TENM2: variants seen among roughly 807,000 people sequenced by gnomAD.
The protein encoded by TENM2 is teneurin transmembrane protein 2.
Under a neutral mutation model 245.2 loss-of-function variants are expected in TENM2, and 52 were observed. That is an observed-to-expected ratio of 0.21 (90% CI 0.17 to 0.27). The LOEUF (loss-of-function observed/expected upper bound fraction) is 0.27. Among genes scored for constraint, TENM2 ranks in the 10% least tolerant of loss-of-function variants. The probability of loss-of-function intolerance (pLI) is 1.00; values close to 1 mark genes in which losing one functional copy is unlikely to be tolerated. For missense variants in TENM2, 3,046 were observed against 3,666.8 expected (o/e 0.83, Z 4.37); for synonymous variants, 1,363 against 1,438.9 (o/e 0.95, Z 1.19).
At chr5:167,168,113 G>T in the TENM2 span, 20 of 152,252 alleles carry the variant, frequency 1.3e-4, no homozygotes, top group African/African-American at 4.8e-4. Context: ...AGTAGATGCC[G>T]CATAGGTGTT....
intron 2 of TENM2, among the ~76,000 whole-genome samples, chr5:167,683,168 T>A (rs1663781164): frequency 6.6e-6 from 1 of 152,178 alleles, no homozygotes; most frequent in Admixed American, 6.6e-5. Flanking sequence ...AATTATAATC[T>A]GTATTAATTG....
the TENM2 span, among the ~76,000 whole-genome samples, chr5:167,103,360 T>C: frequency 1.3e-5 from 2 of 152,230 alleles, no homozygotes; most frequent in Non-Finnish European, 2.9e-5. Flanking sequence ...ACTTAGTATG[T>C]AAGTGAAAGT....
chr5:167,015,879 C>G, the TENM2 span, among the ~76,000 whole-genome samples: 1 of 152,116 alleles, frequency 6.6e-6, no homozygotes, highest in Non-Finnish European at 1.5e-5. Context: ...ATCTGTCTCT[C>G]TTAAACTGAT....
chr5:167,942,786 A>T (rs1779293031), intron 3 of TENM2, among the ~76,000 whole-genome samples: 1 of 152,196 alleles, frequency 6.6e-6, no homozygotes, highest in African/African-American at 2.4e-5. Flanking sequence ...ATTGGGAGGT[A>T]AAGACAACTC....
At chr5:167,038,921 G>A in the TENM2 span, among the ~76,000 whole-genome samples, 30 of 152,248 alleles carry the variant, frequency 2.0e-4, no homozygotes, top group East Asian at 5.6e-3. Flanking sequence ...AAGAAATTCA[G>A]TAAGAAATGT....
At chr5:167,961,310 G>A (rs1217339137) in intron 4 of TENM2, among the ~76,000 whole-genome samples, 1 of 152,234 alleles carries the variant, frequency 6.6e-6, no homozygotes, top group Admixed American at 6.5e-5. Flanking sequence ...GCTGGAAGCT[G>A]ACTGGCTGGC....
intron 25 of TENM2, among the ~76,000 whole-genome samples, chr5:168,238,321 C>T (rs1242350785): frequency 3.1e-5 from 4 of 130,896 alleles, no homozygotes; most frequent in African/African-American, 5.9e-5. Context: ...GAAGACTGAC[C>T]CGGAAAGAAA....
At chr5:167,734,195 G>A (rs1175641266) in intron 2 of TENM2, among the ~76,000 whole-genome samples, 3 of 152,108 alleles carry the variant, frequency 2.0e-5, no homozygotes, top group African/African-American at 7.2e-5. Context: ...GTAGCTAATA[G>A]TATCCATGGC....
chr5:167,582,005 G>A (rs1163697396), intron 2 of TENM2, among the ~76,000 whole-genome samples: 1 of 152,076 alleles, frequency 6.6e-6, no homozygotes, highest in African/African-American at 2.4e-5. Flanking sequence ...TCATCAGGAG[G>A]AGAGTTGGAA....
chr5:167,506,312 A>G (rs1465495458), intron 2 of TENM2, among the ~76,000 whole-genome samples: 1 of 152,168 alleles, frequency 6.6e-6, no homozygotes, highest in East Asian at 1.9e-4. Flanking sequence ...ATTTCATGCA[A>G]TTGTACCTAC....
rs114810044 is a variant in TENM2, at chr5:167,530,858, A to G, written c.502+155385A>G. On this transcript the variant is annotated intron_variant, in intron 2 of 28. Coordinates refer to ENST00000518659, the Ensembl canonical transcript of TENM2. ...GTGATGCACGTCGCAAATGGAAGTA[A>G]TATCATTTGAAGCAGTCCCGCTAGA... Among the ~76,000 whole-genome samples, 1,072 of 152,302 alleles carry G rather than the reference A, an allele frequency of 7.0e-3. 20 individuals carry two copies. Among genetic ancestry groups the G allele is most frequent in the African/African-American group, 0.024 (1,010 of 41,564 alleles).
chr5:167,985,059 C>A (rs771637236), intron 4 of TENM2, among the ~76,000 whole-genome samples: 2 of 152,178 alleles, frequency 1.3e-5, no homozygotes, highest in African/African-American at 2.4e-5. Context: ...CTACAGTACC[C>A]TTTATGGGCT....
the TENM2 span, among the ~76,000 whole-genome samples, chr5:167,161,956 C>G: frequency 6.6e-6 from 1 of 152,008 alleles, no homozygotes; most frequent in Non-Finnish European, 1.5e-5. Flanking sequence ...ATCACAAGGT[C>G]AGGAGATCAA....
intron 2 of TENM2, among the ~76,000 whole-genome samples, chr5:167,736,107 T>C (rs1407797785): frequency 1.3e-5 from 2 of 151,982 alleles, no homozygotes; most frequent in Admixed American, 1.3e-4. Flanking sequence ...TCAGGAAACT[T>C]ACAATCATGG....
chr5:167,395,767 A>G (rs540716370), intron 2 of TENM2, among the ~76,000 whole-genome samples: 5 of 152,294 alleles, frequency 3.3e-5, no homozygotes, highest in African/African-American at 9.6e-5. Flanking sequence ...GAGAAAAAAA[A>G]TGATGTGGTT....
At chr5:167,547,705 G>T (rs1410541562) in intron 2 of TENM2, among the ~76,000 whole-genome samples, 1 of 152,144 alleles carries the variant, frequency 6.6e-6, no homozygotes, top group East Asian at 1.9e-4. Flanking sequence ...AAGGTCACAT[G>T]GCTAGCTGAG....
At chr5:167,061,123 T>C in the TENM2 span, among the ~76,000 whole-genome samples, 8 of 140,338 alleles carry the variant, frequency 5.7e-5, no homozygotes, top group South Asian at 2.4e-4. Flanking sequence ...CACACACACA[T>C]GCATACGCAC....
intron 2 of TENM2, among the ~76,000 whole-genome samples, chr5:167,645,484 C>A (rs994050075): frequency 2.0e-5 from 3 of 151,988 alleles, no homozygotes; most frequent in African/African-American, 7.2e-5. Flanking sequence ...CCCTCAATCT[C>A]GGAGGCTTCT....
chr5:167,499,033 G>A (rs936713198), intron 2 of TENM2, among the ~76,000 whole-genome samples: 3 of 152,074 alleles, frequency 2.0e-5, no homozygotes, highest in South Asian at 2.1e-4. Context: ...ATCTAGTGAC[G>A]TTGTTTCCAT....
Sources: allele counts gnomAD v4.1 joint callset (sites outside exome capture counted in the v4.1 genomes callset), GRCh38; gene constraint gnomAD v4.1.1; transcripts MANE v1.5; gene names NCBI Gene and HGNC (gene_info 2026-07-23, HGNC 2026-07-21).